PPP2R2B: variants seen among roughly 807,000 people sequenced by gnomAD.
PPP2R2B encodes the protein protein phosphatase 2 regulatory subunit Bbeta, also known as serine/threonine-protein phosphatase 2A 55 kDa regulatory subunit B beta isoform.
PPP2R2B carries 5 observed loss-of-function variants against 46.0 expected under a neutral mutation model. The ratio of observed to expected loss-of-function variants is 0.11; its 90% confidence interval spans 0.06 to 0.23. The LOEUF is 0.23. PPP2R2B is among the 10% of genes least tolerant of loss of function. The pLI is 1.00. For missense variants in PPP2R2B, 367 were observed against 575.0 expected (o/e 0.64, Z 3.70); for synonymous variants, 215 against 206.7 (o/e 1.04, Z -0.34).
chr5:146,937,157 T>A (rs1764176857), intron 1 of PPP2R2B, among the ~76,000 whole-genome samples: 1 of 152,030 alleles, frequency 6.6e-6, no homozygotes, highest in Admixed American at 6.6e-5. Flanking sequence ...CAAAATTAGC[T>A]GGGCGTGGTG....
chr5:147,059,917 G>A (rs1379706901), upstream of PPP2R2B, among the ~76,000 whole-genome samples: 1 of 152,102 alleles, frequency 6.6e-6, no homozygotes. Flanking sequence ...CCTCACTGAA[G>A]CCCACGTCTT....
intron 2 of PPP2R2B, among the ~76,000 whole-genome samples, chr5:146,832,873 G>C (rs2151354591): frequency 6.6e-6 from 1 of 151,982 alleles, no homozygotes; most frequent in East Asian, 1.9e-4. Context: ...ACCACCCCAG[G>C]TTTGTGTAAG....
intron 2 of PPP2R2B, among the ~76,000 whole-genome samples, chr5:147,074,085 C>G (rs992646232): frequency 4.0e-5 from 6 of 151,870 alleles, no homozygotes; most frequent in Non-Finnish European, 2.9e-5. Flanking sequence ...TACACAGGTC[C>G]TTTGACTCCA....
chr5:146,862,419 T>A lies in PPP2R2B; in HGVS notation c.70+15583A>T, dbSNP rs537896848. The stretch of plus-strand genomic sequence containing the variant: ...GGGGAGATGACGTGCAGGATCTGTG[T>A]CTTTAGATCTAGCTGTCTGAACTTG... On this transcript the variant is annotated intron_variant, in intron 2 of 9. Coordinates refer to ENST00000394411, the MANE Select transcript of PPP2R2B (RefSeq NM_181675.4). Among the ~76,000 whole-genome samples, 14 of 152,342 alleles carry A rather than the reference T, an allele frequency of 9.2e-5. No individual in the cohort carries two copies. In the East Asian group the frequency reaches 2.7e-3, roughly 29 times the overall value.
intron 1 of PPP2R2B, among the ~76,000 whole-genome samples, chr5:146,912,577 G>C (rs1311919613): frequency 6.6e-6 from 1 of 150,572 alleles, no homozygotes; most frequent in Non-Finnish European, 1.5e-5. Context: ...GCAGTGGCAC[G>C]ATCTCGGCTC....
intron 1 of PPP2R2B, among the ~76,000 whole-genome samples, chr5:146,965,216 A>G (rs745628737): frequency 2.6e-5 from 4 of 152,192 alleles, no homozygotes; most frequent in Non-Finnish European, 5.9e-5. Context: ...TATAAGATGA[A>G]AATTTAAGCC....
intron 1 of PPP2R2B, among the ~76,000 whole-genome samples, chr5:146,967,593 A>G (rs1205600097): frequency 6.6e-6 from 1 of 152,072 alleles, no homozygotes; most frequent in African/African-American, 2.4e-5. Context: ...ATCCTAGGGG[A>G]CTATATCCAG....
intron 2 of PPP2R2B, among the ~76,000 whole-genome samples, chr5:146,854,980 C>T (rs1340260238): frequency 1.3e-5 from 2 of 152,090 alleles, no homozygotes; most frequent in East Asian, 3.9e-4. Flanking sequence ...AAAATACTTC[C>T]ATTTTTTTTC....
chr5:146,776,386 C>T (rs1328950983), intron 2 of PPP2R2B, among the ~76,000 whole-genome samples: 1 of 151,916 alleles, frequency 6.6e-6, no homozygotes, highest in Non-Finnish European at 1.5e-5. Context: ...GGTGTCAAGA[C>T]CATTCATTGA....
At chr5:146,882,427 C>T (rs189912153), upstream of PPP2R2B, among the ~76,000 whole-genome samples, 57 of 152,232 alleles carry the variant, frequency 3.7e-4, no homozygotes, top group African/African-American at 1.3e-3. Context: ...GACTATAGTG[C>T]AATGTTAAGT....
At chr5:146,685,084 T>C (rs1262821747) in intron 5 of PPP2R2B, among the ~76,000 whole-genome samples, 2 of 152,192 alleles carry the variant, frequency 1.3e-5, no homozygotes, top group Non-Finnish European at 2.9e-5. Flanking sequence ...CTTAGTACAG[T>C]GTGTAGCATA....
chr5:146,965,404 A>G (rs561288592), intron 1 of PPP2R2B, among the ~76,000 whole-genome samples: 27 of 152,304 alleles, frequency 1.8e-4, no homozygotes, highest in African/African-American at 6.5e-4. Flanking sequence ...TTTTCAGGAT[A>G]ATGGGAAAGT....
intron 2 of PPP2R2B, among the ~76,000 whole-genome samples, chr5:146,833,202 C>A (rs930122739): frequency 6.6e-6 from 1 of 152,046 alleles, no homozygotes; most frequent in African/African-American, 2.4e-5. Context: ...ATATCAAGCC[C>A]ATCATCAAAC....
chr5:147,067,132 C>T (rs1191857192), intron 2 of PPP2R2B, among the ~76,000 whole-genome samples: 1 of 152,112 alleles, frequency 6.6e-6, no homozygotes, highest in African/African-American at 2.4e-5. Context: ...TTTTGAATGG[C>T]TAAGTTAATT....
At chr5:146,933,449 C>G (rs1402459857) in intron 1 of PPP2R2B, among the ~76,000 whole-genome samples, 2 of 152,048 alleles carry the variant, frequency 1.3e-5, no homozygotes, top group Non-Finnish European at 2.9e-5. Flanking sequence ...TTCCCATTCT[C>G]TCTCAGATAA....
intron 2 of PPP2R2B, among the ~76,000 whole-genome samples, chr5:146,722,037 AC>A (rs1780836935): frequency 6.6e-6 from 1 of 152,110 alleles, no homozygotes; most frequent in African/African-American, 2.4e-5. Flanking sequence ...CATTATTACT[AC>A]CCCCATTTTA....
chr5:146,759,197 T>C (rs575975422), intron 2 of PPP2R2B, among the ~76,000 whole-genome samples: 4 of 152,178 alleles, frequency 2.6e-5, no homozygotes, highest in Non-Finnish European at 5.9e-5. Flanking sequence ...TATTGCATTG[T>C]TCCAGGAAGT....
At chr5:146,951,825 A>T (rs1325785075) in intron 1 of PPP2R2B, among the ~76,000 whole-genome samples, 1 of 152,070 alleles carries the variant, frequency 6.6e-6, no homozygotes, top group African/African-American at 2.4e-5. Context: ...GAACCTATGC[A>T]TACATGTATC....
intron 2 of PPP2R2B, among the ~76,000 whole-genome samples, chr5:146,800,117 A>T (rs1756773793): frequency 6.6e-6 from 1 of 152,212 alleles, no homozygotes; most frequent in South Asian, 2.1e-4. Context: ...TCATGAAAGA[A>T]ATAATATGGA....
Sources: gnomAD v4.1 joint callset for allele counts (sites outside exome capture counted in the v4.1 genomes callset) on GRCh38, gnomAD v4.1.1 for gene constraint, MANE v1.5 for transcripts, NCBI Gene and HGNC (gene_info 2026-07-23, HGNC 2026-07-21) for gene names.